Variants in PPP1R1C observed in about 807,000 individuals in gnomAD.
PPP1R1C encodes the protein protein phosphatase 1 regulatory subunit 1C.
Under a neutral mutation model 17.4 loss-of-function variants are expected in PPP1R1C, and 15 were observed. The observed-to-expected ratio is 0.86, with a 90% CI of 0.58 to 1.33. PPP1R1C has a LOEUF of 1.33. Ranked by LOEUF, PPP1R1C falls within the 40% of genes most tolerant of loss-of-function variation. The probability of loss-of-function intolerance (pLI) is 0.00; values close to 1 mark genes in which losing one functional copy is unlikely to be tolerated. For synonymous variants in PPP1R1C, 35 were observed against 43.1 expected, an observed-to-expected ratio of 0.81 and a Z score of 0.73; for missense variants, 143 against 130.0, an observed-to-expected ratio of 1.10 and a Z score of -0.48.
At chr2:182,044,965 C>T (rs1449489290) in intron 2 of PPP1R1C, among the ~76,000 whole-genome samples, 1 of 152,174 alleles carries the variant, frequency 6.6e-6, no homozygotes, top group Non-Finnish European at 1.5e-5. Flanking sequence ...TTTCCTTCAT[C>T]TTTCTGTCTC....
In PPP1R1C at chr2:182,058,342, G is replaced by A. The variant is rs529978060; in HGVS notation, c.143-3100G>A. On this transcript the variant is annotated intron_variant, in intron 2 of 4. Transcript: ENST00000682840. Reference sequence around the variant, plus strand: ...TCTCATGACTAGACTAGGCTTAAGGGGTTTGAGGAGGAAGATCATTGATAT... The same window carrying A: ...TCTCATGACTAGACTAGGCTTAAGGAGTTTGAGGAGGAAGATCATTGATAT... 9.9e-5 allele frequency among the ~76,000 whole-genome samples: 15 copies of A among 152,128 alleles called. No individual in the cohort carries two copies. The South Asian group carries it at 1.7e-3, about 17-fold the overall frequency.
chr2:182,051,245 T>C (rs1176890621), intron 2 of PPP1R1C, among the ~76,000 whole-genome samples: 3 of 152,192 alleles, frequency 2.0e-5, no homozygotes, highest in Non-Finnish European at 4.4e-5. Flanking sequence ...TCCTGAAAGA[T>C]AGAAGAAAAA....
rs1432024126 is a variant in PPP1R1C at position 181,961,548 on chromosome 2, G to A, written n.111+6914G>A. On this transcript the variant is annotated intron_variant and non_coding_transcript_variant, in intron 1 of 5. Transcript: ENST00000464264. This position sits in a 1 kb window ranked among gnomAD's most constrained non-coding sequence, Gnocchi z 5.8. ...AGCTGGCCTTCAGATTTCTCATGGA[G>A]TCCAGGTCCATCTTTAAGGACTGGA... 13 of 819,442 alleles carry A rather than the reference G, an allele frequency of 1.6e-5. No homozygotes were observed. The highest frequency in any genetic ancestry group is 2.5e-5 in the Non-Finnish European group (12 of 487,730). The allele number at this position is 819,442 out of a possible 1,614,324, so 50.8% of individuals were successfully genotyped here.
upstream of PPP1R1C, among the ~76,000 whole-genome samples, chr2:181,984,582 T>G (rs1685253139): frequency 6.6e-6 from 1 of 152,212 alleles, no homozygotes; most frequent in Non-Finnish European, 1.5e-5. Flanking sequence ...TGCTTTCACA[T>G]CCACATCTTT....
At chr2:182,079,709 G>C (rs1239504536) in intron 4 of PPP1R1C, among the ~76,000 whole-genome samples, 1 of 152,204 alleles carries the variant, frequency 6.6e-6, no homozygotes, top group Non-Finnish European at 1.5e-5. Context: ...GGTGAAGCTA[G>C]ATGTCTAAAA....
At chr2:182,128,342 C>T (rs1206344465) in intron 5 of PPP1R1C, among the ~76,000 whole-genome samples, 1 of 152,030 alleles carries the variant, frequency 6.6e-6, no homozygotes, top group East Asian at 1.9e-4. Flanking sequence ...GGGCAAGTCC[C>T]TTAACCACTC....
chr2:181,997,856 T>C (rs1333987982), intron 2 of PPP1R1C, among the ~76,000 whole-genome samples: 1 of 152,192 alleles, frequency 6.6e-6, no homozygotes, highest in Non-Finnish European at 1.5e-5. Flanking sequence ...TTACAGTTAA[T>C]TTTATCCCCA....
chr2:182,122,597 C>A (rs1433362398), downstream of PPP1R1C, among the ~76,000 whole-genome samples: 1 of 151,946 alleles, frequency 6.6e-6, no homozygotes, highest in Non-Finnish European at 1.5e-5. Context: ...TGCTAGCTAA[C>A]CACTTTGGCT....
intron 2 of PPP1R1C, among the ~76,000 whole-genome samples, chr2:182,014,156 C>A (rs572584662): frequency 3.0e-4 from 45 of 152,186 alleles, no homozygotes; most frequent in African/African-American, 9.6e-4. Context: ...TATAGTCTAA[C>A]CTTGTTTGTA....
chr2:182,081,981 G>A (rs773659901), intron 4 of PPP1R1C, among the ~76,000 whole-genome samples: 24 of 152,222 alleles, frequency 1.6e-4, no homozygotes, highest in South Asian at 6.2e-4. Flanking sequence ...ACCTCCCTAT[G>A]CCTATTTTTT....
intron 2 of PPP1R1C, among the ~76,000 whole-genome samples, chr2:182,051,947 C>A (rs1010138171): frequency 3.3e-5 from 5 of 151,902 alleles, no homozygotes; most frequent in African/African-American, 1.2e-4. Flanking sequence ...TTGCAGTGAG[C>A]CGCTGAGATC....
chr2:181,997,346 G>A (rs973509103), intron 2 of PPP1R1C, among the ~76,000 whole-genome samples: 1 of 151,848 alleles, frequency 6.6e-6, no homozygotes, highest in Non-Finnish European at 1.5e-5. Context: ...AAGACCCCAC[G>A]TGGACTACTT....
At chr2:182,112,561 GC>G (rs1689473261) in intron 4 of PPP1R1C, among the ~76,000 whole-genome samples, 1 of 152,198 alleles carries the variant, frequency 6.6e-6, no homozygotes, top group East Asian at 1.9e-4. Flanking sequence ...CAGGTAAAGA[GC>G]CCCCAATAGG....
upstream of PPP1R1C, among the ~76,000 whole-genome samples, chr2:181,984,883 G>A (rs531315779): frequency 2.0e-5 from 3 of 152,126 alleles, no homozygotes; most frequent in South Asian, 2.1e-4. Flanking sequence ...AAAAGTATTC[G>A]AATGCATGAA....
chr2:182,124,334 T>TTTG (rs1378892654), intron 5 of PPP1R1C, among the ~76,000 whole-genome samples: 1 of 143,006 alleles, frequency 7.0e-6, no homozygotes, highest in African/African-American at 2.7e-5. Context: ...TTTGTTTTTT[T>TTTG]TTTTGTTTTT....
intron 2 of PPP1R1C, among the ~76,000 whole-genome samples, chr2:181,995,501 C>T (rs1685587703): frequency 6.6e-6 from 1 of 152,200 alleles, no homozygotes; most frequent in African/African-American, 2.4e-5. Flanking sequence ...TTTCAAAGAA[C>T]TCTAGTCTGA....
chr2:182,066,185 A>G (rs933019307), intron 4 of PPP1R1C, among the ~76,000 whole-genome samples: 57 of 152,288 alleles, frequency 3.7e-4, no homozygotes, highest in African/African-American at 1.3e-3. Context: ...AGTATTTTAC[A>G]GGTACAGCTT....
intron 2 of PPP1R1C, among the ~76,000 whole-genome samples, chr2:181,991,869 T>C (rs143450714): frequency 3.0e-4 from 45 of 152,284 alleles, no homozygotes; most frequent in African/African-American, 9.4e-4. Context: ...TTGGTTCCTA[T>C]ATATTTTTTT....
At chr2:181,993,820 T>C (rs1685535135) in intron 2 of PPP1R1C, among the ~76,000 whole-genome samples, 1 of 152,104 alleles carries the variant, frequency 6.6e-6, no homozygotes. Context: ...GAGCCAAAGA[T>C]GAGGTTCCAG....
Sources: allele counts gnomAD v4.1 joint callset (sites outside exome capture counted in the v4.1 genomes callset), GRCh38; gene constraint gnomAD v4.1.1; non-coding constraint Gnocchi (gnomAD v3.1); transcripts MANE v1.5; gene names NCBI Gene and HGNC (gene_info 2026-07-23, HGNC 2026-07-21).